TRAPPC9: variants seen among roughly 807,000 people sequenced by gnomAD.
TRAPPC9 encodes the protein IKK2 binding protein.
Under a neutral mutation model 124.0 loss-of-function variants are expected in TRAPPC9, and 83 were observed. The ratio of observed to expected loss-of-function variants is 0.67; its 90% CI spans 0.56 to 0.80. The LOEUF is 0.80. Among genes scored for constraint, TRAPPC9 ranks in the 30% least tolerant of loss-of-function variants. TRAPPC9 has a pLI of 0.00. For missense variants in TRAPPC9, 1,302 were observed against 1,508.3 expected, an observed-to-expected ratio of 0.86 and a Z score of 2.27; for synonymous variants, 638 against 617.5, an observed-to-expected ratio of 1.03 and a Z score of -0.49.
At chr8:140,105,876 A>G (rs890644093) in intron 17 of TRAPPC9, among the ~76,000 whole-genome samples, 8 of 152,266 alleles carry the variant, frequency 5.3e-5, no homozygotes, top group Middle Eastern at 3.4e-3. Context: ...GGGCAGCACT[A>G]CCAGGCTGGC....
chr8:140,161,397 G>C (rs751155685), intron 17 of TRAPPC9, among the ~76,000 whole-genome samples: 4 of 135,152 alleles, frequency 3.0e-5, no homozygotes, highest in Non-Finnish European at 4.7e-5. Context: ...AAATGCTCAG[G>C]ACCAGAAACA....
chr8:139,948,076 C>T (rs1039848399), intron 19 of TRAPPC9, among the ~76,000 whole-genome samples: 48 of 151,374 alleles, frequency 3.2e-4, no homozygotes, highest in African/African-American at 1.0e-3. Flanking sequence ...CCTCAGTTTC[C>T]TTATCTGTGG....
chr8:139,921,779 A>G (rs1832517071), intron 19 of TRAPPC9, among the ~76,000 whole-genome samples: 1 of 152,048 alleles, frequency 6.6e-6, no homozygotes, highest in Non-Finnish European at 1.5e-5. Flanking sequence ...CCAGATAAGA[A>G]AGGGCTATGG....
At chr8:140,370,852 C>A in intron 8 of TRAPPC9, 112 bp downstream of exon 8, 2 of 1,209,752 alleles carry the variant, frequency 1.7e-6, no homozygotes, top group Non-Finnish European at 2.4e-6. Flanking sequence ...TCTAGTCATT[C>A]TGGAGCCACC....
intron 17 of TRAPPC9, among the ~76,000 whole-genome samples, chr8:140,163,071 A>G (rs1319202880): frequency 6.6e-6 from 1 of 152,124 alleles, no homozygotes; most frequent in Non-Finnish European, 1.5e-5. Flanking sequence ...TTTTTTAAAA[A>G]CATAGTCCAC....
intron 9 of TRAPPC9, among the ~76,000 whole-genome samples, chr8:140,338,529 A>G (rs916808513): frequency 3.3e-5 from 5 of 152,228 alleles, no homozygotes; most frequent in African/African-American, 1.2e-4. Context: ...CCTAACCCCC[A>G]GCACCTCAGA....
intron 21 of TRAPPC9, among the ~76,000 whole-genome samples, chr8:139,733,389 T>C (rs1817962723): frequency 1.3e-5 from 2 of 151,956 alleles, no homozygotes; most frequent in East Asian, 2.0e-4. Context: ...CACACATCTG[T>C]TGTTCAAGTA....
chr8:139,796,281 CT>C (rs1452412805), intron 21 of TRAPPC9, among the ~76,000 whole-genome samples: 3 of 152,152 alleles, frequency 2.0e-5, no homozygotes, highest in Admixed American at 1.3e-4. Flanking sequence ...CTGCTCTGCC[CT>C]ATCTGAGGGC....
In TRAPPC9 at chr8:139,894,155, G is replaced by A. The variant is rs142646269; in HGVS notation, c.2965-8186C>T. Among the ~76,000 whole-genome samples the A allele has an allele frequency of 2.1e-3, 326 of 152,294 alleles. 2 individuals are homozygous for A. The highest frequency in any genetic ancestry group is 6.7e-3 in the African/African-American group (280 of 41,554). On this transcript the variant is annotated intron_variant, in intron 20 of 22. Coordinates refer to ENST00000438773, the MANE Select transcript of TRAPPC9 (RefSeq NM_001160372.4). ...CTTTATGAGAATTCTTAGAGGTTTC[G>A]GGCAACTAATTTTGATTTAGGGTAA...
At chr8:139,918,462 T>C (rs1832289234) in intron 19 of TRAPPC9, among the ~76,000 whole-genome samples, 2 of 152,168 alleles carry the variant, frequency 1.3e-5, no homozygotes, top group African/African-American at 4.8e-5. Flanking sequence ...CACAGAGAGG[T>C]GCACTGAGTT....
chr8:139,774,556 A>T (rs1821226992), intron 21 of TRAPPC9, among the ~76,000 whole-genome samples: 1 of 152,142 alleles, frequency 6.6e-6, no homozygotes, highest in South Asian at 2.1e-4. Context: ...CGCCAGCGAC[A>T]GCAGCTGTGC....
intron 21 of TRAPPC9, among the ~76,000 whole-genome samples, chr8:139,869,275 A>T (rs2131023256): frequency 6.6e-6 from 1 of 152,348 alleles, no homozygotes; most frequent in African/African-American, 2.4e-5. Context: ...AACAAAAAGA[A>T]GGCAGGGGTG....
intron 9 of TRAPPC9, among the ~76,000 whole-genome samples, chr8:140,356,662 T>A (rs1049604504): frequency 6.8e-6 from 1 of 147,354 alleles, no homozygotes; most frequent in Admixed American, 6.9e-5. Flanking sequence ...CAGGCTGGGG[T>A]GCAGTGGCAT....
chr8:140,166,421 G>A (rs537289740), intron 17 of TRAPPC9, among the ~76,000 whole-genome samples: 5 of 152,324 alleles, frequency 3.3e-5, no homozygotes, highest in South Asian at 4.2e-4. Flanking sequence ...ACCCAGGGTC[G>A]GGACCGGAGT....
intron 16 of TRAPPC9, among the ~76,000 whole-genome samples, chr8:140,234,747 T>C (rs373350740): frequency 2.4e-4 from 37 of 152,344 alleles, no homozygotes; most frequent in African/African-American, 8.7e-4. Context: ...CTGCTCTCTA[T>C]TCAACAAATA....
At chr8:140,255,843 G>A (rs530899674) in intron 15 of TRAPPC9, among the ~76,000 whole-genome samples, 9 of 152,270 alleles carry the variant, frequency 5.9e-5, no homozygotes, top group Admixed American at 6.5e-5. Flanking sequence ...TCAAGGTCGC[G>A]CCACTACACT....
At chr8:140,173,484 G>A (rs2062005156) in intron 17 of TRAPPC9, among the ~76,000 whole-genome samples, 1 of 150,884 alleles carries the variant, frequency 6.6e-6, no homozygotes, top group Non-Finnish European at 1.5e-5. Flanking sequence ...AACCCAGGAC[G>A]TGGAGCGTGC....
At chr8:140,022,896 C>T (rs758601659) in intron 18 of TRAPPC9, among the ~76,000 whole-genome samples, 1 of 152,172 alleles carries the variant, frequency 6.6e-6, no homozygotes, top group Admixed American at 6.5e-5. Context: ...GGAAGAAAAA[C>T]AAGTCTTTCC....
Position 139,932,239 on chromosome 8 carries a change from C to A in TRAPPC9, c.2811-21939G>T, listed in dbSNP as rs1411927461. The A allele has an allele frequency of 6.9e-6, 3 of 437,234 alleles. No individual in the cohort carries two copies. In the East Asian group the frequency reaches 2.1e-4, roughly 31 times the overall value. The allele number at this position is 437,234 out of a possible 1,614,324, so 27.1% of individuals were successfully genotyped here. ...CAGCCCACAGAGCCACTTCGCCGTG[C>A]AGCCGAGGGAGTCCCGCACCACGGG... On this transcript the variant is annotated intron_variant, in intron 19 of 22. Coordinates refer to ENST00000438773, the MANE Select transcript of TRAPPC9 (RefSeq NM_001160372.4).
Sources: allele counts gnomAD v4.1 joint callset (sites outside exome capture counted in the v4.1 genomes callset), GRCh38; gene constraint gnomAD v4.1.1; transcripts MANE v1.5; gene names NCBI Gene and HGNC (gene_info 2026-07-23, HGNC 2026-07-21).